The following TYW1B variants were observed in gnomAD, a reference collection of about 807,000 sequenced individuals.
TYW1B encodes the protein S-adenosyl-L-methionine-dependent tRNA 4-demethylwyosine synthase TYW1B.
In TYW1B, 73 loss-of-function variants were observed where a neutral mutation model predicts 86.9. The ratio of observed to expected loss-of-function variants is 0.84; its 90% CI spans 0.70 to 1.02. The LOEUF (loss-of-function observed/expected upper bound fraction) is 1.02, where lower values mean the gene tolerates loss of function less well. Among genes scored for constraint, TYW1B ranks in the 50% least tolerant of loss-of-function variants. The probability of loss-of-function intolerance (pLI) is 0.00; values close to 1 mark genes in which losing one functional copy is unlikely to be tolerated. For synonymous variants in TYW1B, 248 were observed against 292.8 expected (o/e 0.85, Z 1.56); for missense variants, 637 against 827.4 (o/e 0.77, Z 2.82).
chr7:72,726,921 C>T (rs1787008920), intron 9 of TYW1B, among the ~76,000 whole-genome samples: 1 of 152,074 alleles, frequency 6.6e-6, no homozygotes, highest in South Asian at 2.1e-4. Flanking sequence ...CACAAGGCAG[C>T]AGGAAGGAGA....
intron 11 of TYW1B, among the ~76,000 whole-genome samples, chr7:72,694,030 G>A (rs1814243992): frequency 6.6e-6 from 1 of 151,988 alleles, no homozygotes; most frequent in Non-Finnish European, 1.5e-5. Flanking sequence ...GCATGATCTT[G>A]GCTCACTGCG....
At chr7:72,597,657 A>T (rs1290685043) in intron 13 of TYW1B, among the ~76,000 whole-genome samples, 1 of 152,178 alleles carries the variant, frequency 6.6e-6, no homozygotes, top group Non-Finnish European at 1.5e-5. Flanking sequence ...ACCAATAGTG[A>T]CAATGATAGG....
chr7:72,762,375 T>A (rs1430134231), intron 7 of TYW1B, among the ~76,000 whole-genome samples: 3 of 152,176 alleles, frequency 2.0e-5, no homozygotes, highest in African/African-American at 7.2e-5. Context: ...TTTCTCCTCT[T>A]AAAAAGGTAT....
intron 7 of TYW1B, among the ~76,000 whole-genome samples, chr7:72,762,914 C>T (rs1554467446): frequency 6.6e-6 from 1 of 152,136 alleles, no homozygotes; most frequent in African/African-American, 2.4e-5. Flanking sequence ...TCTGCCATGG[C>T]CTCCCAAAGT....
intron 11 of TYW1B, among the ~76,000 whole-genome samples, chr7:72,645,984 T>C (rs1164286802): frequency 6.7e-6 from 1 of 148,346 alleles, no homozygotes; most frequent in African/African-American, 2.4e-5. Context: ...ATATTACATA[T>C]GTTATATGTT....
chr7:72,585,977 C>T (rs1357848785), intron 13 of TYW1B, among the ~76,000 whole-genome samples: 6 of 152,076 alleles, frequency 3.9e-5, no homozygotes, highest in Non-Finnish European at 7.4e-5. Context: ...AATTGTGAAA[C>T]GAGGATTGGA....
At chr7:72,638,815 G>A (rs2844152) in intron 11 of TYW1B, among the ~76,000 whole-genome samples, 1 of 152,090 alleles carries the variant, frequency 6.6e-6, no homozygotes, top group Non-Finnish European at 1.5e-5. Flanking sequence ...ATGCACTAGG[G>A]AACAGTACAG....
intron 10 of TYW1B, among the ~76,000 whole-genome samples, chr7:72,708,732 T>A (rs1814671785): frequency 6.6e-6 from 1 of 152,206 alleles, no homozygotes; most frequent in Non-Finnish European, 1.5e-5. Flanking sequence ...TTTTTCTTTC[T>A]GTTTTCTCTT....
chr7:72,808,529 C>T (rs868915949), intron 4 of TYW1B, among the ~76,000 whole-genome samples: 1 of 138,618 alleles, frequency 7.2e-6, no homozygotes, highest in Admixed American at 7.3e-5. Context: ...TTTTATTTTA[C>T]TTTTTTTTTT....
At chr7:72,602,950 C>G (rs1354092191) in intron 13 of TYW1B, among the ~76,000 whole-genome samples, 8 of 151,530 alleles carry the variant, frequency 5.3e-5, no homozygotes, top group African/African-American at 1.9e-4. Context: ...ATGGCCAAAG[C>G]TGGGACAATT....
chr7:72,827,016 T>C, intron 1 of TYW1B, 31 bp from the exon 2 acceptor site: 1 of 1,585,954 alleles, frequency 6.3e-7, no homozygotes, highest in Non-Finnish European at 8.6e-7. Context: ...ACAGATAATT[T>C]CATTTAAAGC....
intron 6 of TYW1B, among the ~76,000 whole-genome samples, chr7:72,785,762 T>A (rs1788118122): frequency 6.6e-6 from 1 of 152,126 alleles, no homozygotes. Context: ...TCATGTGGTG[T>A]GTCATGGATG....
chr7:72,645,129 G>T (rs1174086775), intron 11 of TYW1B, among the ~76,000 whole-genome samples: 1 of 152,090 alleles, frequency 6.6e-6, no homozygotes, highest in African/African-American at 2.4e-5. Flanking sequence ...GCCCAGCCAT[G>T]ACTTTCTTAA....
At position 72,575,665 on chromosome 7, in the gene TYW1B, G is replaced by T. The variant is rs782385560; in HGVS notation, c.1840C>A (p.Leu614Ile). 6.8e-6 allele frequency: 11 copies of T among 1,613,128 alleles called. No homozygotes were observed. The South Asian group carries it at 1.2e-4, about 18-fold the overall frequency. Residue 614 changes from leucine to isoleucine, a missense_variant, in exon 14 of 14, where the codon CTC (leucine) becomes ATC (isoleucine). Transcript: ENST00000620995. ...CCACTATCTTCATATTCCTGGATGAGCTCCTGGAAGCGGTTATAATCGATC... is the reference window on the plus strand; with the variant it reads ...CCACTATCTTCATATTCCTGGATGATCTCCTGGAAGCGGTTATAATCGATC... ...TWIDYNRFQE[L>I]IQEYEDSGGS...
intron 10 of TYW1B, among the ~76,000 whole-genome samples, chr7:72,707,734 T>C (rs1359040349): frequency 2.6e-5 from 4 of 152,178 alleles, no homozygotes; most frequent in African/African-American, 7.2e-5. Context: ...AAAACTCCTC[T>C]AAGGGGCAGA....
chr7:72,702,032 C>T (rs1437791516), intron 10 of TYW1B, among the ~76,000 whole-genome samples: 2 of 152,172 alleles, frequency 1.3e-5, no homozygotes, highest in African/African-American at 4.8e-5. Flanking sequence ...CCCAGGAATA[C>T]GATGGAGCTT....
At chr7:72,643,277 T>C (rs1185741415) in intron 11 of TYW1B, among the ~76,000 whole-genome samples, 1 of 151,568 alleles carries the variant, frequency 6.6e-6, no homozygotes, top group Non-Finnish European at 1.5e-5. Flanking sequence ...TTAACAAGAG[T>C]TACAAATTAA....
chr7:72,727,351 G>A (rs1218872374), intron 9 of TYW1B, among the ~76,000 whole-genome samples: 1 of 152,154 alleles, frequency 6.6e-6, no homozygotes, highest in African/African-American at 2.4e-5. Flanking sequence ...AAGAATACAG[G>A]AGAGAAGGAG....
At chr7:72,657,477 G>C (rs1310584887) in intron 11 of TYW1B, among the ~76,000 whole-genome samples, 1 of 151,784 alleles carries the variant, frequency 6.6e-6, no homozygotes. Flanking sequence ...GAGAGATATA[G>C]ATAACCAGAT....
Sources: gnomAD v4.1 joint callset for allele counts (sites outside exome capture counted in the v4.1 genomes callset) on GRCh38, gnomAD v4.1.1 for gene constraint, MANE v1.5 for transcripts, NCBI Gene and HGNC (gene_info 2026-07-23, HGNC 2026-07-21) for gene names.